OR1J2: variants seen among roughly 807,000 people sequenced by gnomAD.
The protein encoded by OR1J2 is olfactory receptor 1J2.
For missense variants in OR1J2, 304 were observed against 246.1 expected (o/e 1.24, Z -1.57); for synonymous variants, 142 against 99.7 (o/e 1.42, Z -2.52).
chr9:122,573,446 G>T, the OR1J2 span, among the ~76,000 whole-genome samples: 2 of 152,308 alleles, frequency 1.3e-5, no homozygotes, highest in East Asian at 1.9e-4. Context: ...ATTCTAATGG[G>T]TATACAGTGG....
At chr9:122,499,787 G>C in the OR1J2 span, among the ~76,000 whole-genome samples, 6 of 152,300 alleles carry the variant, frequency 3.9e-5, no homozygotes, top group African/African-American at 1.4e-4. Flanking sequence ...GACAAACAGG[G>C]ACCCCAAATG....
chr9:122,530,871 G>A, the OR1J2 span, among the ~76,000 whole-genome samples: 1 of 152,186 alleles, frequency 6.6e-6, no homozygotes, highest in South Asian at 2.1e-4. Flanking sequence ...AATGTCATCA[G>A]TGAAGGCAGG....
the OR1J2 span, among the ~76,000 whole-genome samples, chr9:122,563,596 C>G: frequency 6.6e-6 from 1 of 152,200 alleles, no homozygotes; most frequent in Non-Finnish European, 1.5e-5. Flanking sequence ...TCCTCTGCTG[C>G]GCAGATGCAA....
At chr9:122,475,744 C>G in the OR1J2 span, 4 of 152,220 alleles carry the variant, frequency 2.6e-5, no homozygotes, top group Non-Finnish European at 5.9e-5. Flanking sequence ...ACACACTACT[C>G]CCTCTTCCTG....
downstream of OR1J2, chr9:122,511,836 G>A (rs2119381997): frequency 7.2e-6 from 5 of 698,830 alleles, no homozygotes; most frequent in South Asian, 4.8e-5. Flanking sequence ...GTTATGTCCT[G>A]AAGCCCTAAG....
chr9:122,465,399 A>C, the OR1J2 span, among the ~76,000 whole-genome samples: 8 of 152,324 alleles, frequency 5.3e-5, no homozygotes, highest in African/African-American at 1.9e-4. Flanking sequence ...ATGGGATCCC[A>C]AAATCCTAAA....
At chr9:122,448,324 C>A in the OR1J2 span, among the ~76,000 whole-genome samples, 1 of 152,180 alleles carries the variant, frequency 6.6e-6, no homozygotes, top group Non-Finnish European at 1.5e-5. Context: ...AGTATTGCTG[C>A]CAGCACGTCT....
the OR1J2 span, among the ~76,000 whole-genome samples, chr9:122,518,316 C>A: frequency 6.6e-6 from 1 of 152,178 alleles, no homozygotes; most frequent in Non-Finnish European, 1.5e-5. Context: ...GGTTGGGCTG[C>A]TATAGCTGGG....
At chr9:122,464,661 C>T in the OR1J2 span, among the ~76,000 whole-genome samples, 1 of 152,172 alleles carries the variant, frequency 6.6e-6, no homozygotes, top group Non-Finnish European at 1.5e-5. Context: ...AGATTGGTGA[C>T]TCTTGGAACT....
At chr9:122,504,640 C>T in the OR1J2 span, among the ~76,000 whole-genome samples, 1 of 152,136 alleles carries the variant, frequency 6.6e-6, no homozygotes. Flanking sequence ...CCCCTTGTGA[C>T]CACATACATG....
At chr9:122,580,124 G>A in the OR1J2 span, among the ~76,000 whole-genome samples, 2 of 152,026 alleles carry the variant, frequency 1.3e-5, no homozygotes, top group Non-Finnish European at 2.9e-5. Context: ...GCAAATGCCT[G>A]TCAGCAATAA....
chr9:122,477,344 T>A, the OR1J2 span: 1 of 1,614,010 alleles, frequency 6.2e-7, no homozygotes, highest in Non-Finnish European at 8.5e-7. Context: ...GCTAACTGAT[T>A]GAGGGAGGTG....
the OR1J2 span, among the ~76,000 whole-genome samples, chr9:122,571,714 CA>C: frequency 1.6e-3 from 200 of 124,310 alleles, no homozygotes; most frequent in Middle Eastern, 4.4e-3. Flanking sequence ...GACTCAGTCT[CA>C]AAAAAAAAAA....
chr9:122,477,036 A>C, the OR1J2 span: 37 of 1,613,904 alleles, frequency 2.3e-5, no homozygotes, highest in Admixed American at 6.2e-4. Flanking sequence ...GGGCTCCCTT[A>C]ATGTCTTTAT....
At chr9:122,487,388 T>C in the OR1J2 span, among the ~76,000 whole-genome samples, 8 of 152,082 alleles carry the variant, frequency 5.3e-5, no homozygotes, top group South Asian at 2.1e-4. Context: ...AATTATTTGA[T>C]GTAATACAAA....
the OR1J2 span, among the ~76,000 whole-genome samples, chr9:122,537,888 T>C: frequency 1.3e-5 from 2 of 152,176 alleles, no homozygotes; most frequent in African/African-American, 4.8e-5. Flanking sequence ...TACAGTTGAA[T>C]GCAAAGGCTT....
the OR1J2 span, among the ~76,000 whole-genome samples, chr9:122,472,970 T>C: frequency 2.6e-5 from 4 of 152,236 alleles, no homozygotes; most frequent in African/African-American, 9.6e-5. Context: ...AAACTAAAAA[T>C]TTCTAAGATT....
At chr9:122,508,967 A>G (rs931418944), upstream of OR1J2, among the ~76,000 whole-genome samples, 2 of 152,058 alleles carry the variant, frequency 1.3e-5, no homozygotes, top group African/African-American at 4.8e-5. Flanking sequence ...TGCATTCCTT[A>G]TCTCATGGCC....
chr9:122,518,110 T>A, the OR1J2 span, among the ~76,000 whole-genome samples: 8 of 152,354 alleles, frequency 5.3e-5, no homozygotes, highest in Admixed American at 2.0e-4. Context: ...TCAACTCAAA[T>A]GTCCATCAAT....
Sources: gnomAD v4.1 joint callset for allele counts (sites outside exome capture counted in the v4.1 genomes callset) on GRCh38, gnomAD v4.1.1 for gene constraint, MANE v1.5 for transcripts, NCBI Gene and HGNC (gene_info 2026-07-23, HGNC 2026-07-21) for gene names.